JAML: variants seen among roughly 807,000 people sequenced by gnomAD.
The protein encoded by JAML is junction adhesion molecule like.
A neutral mutation model predicts 39.3 loss-of-function variants in JAML; 25 were observed. That is an observed-to-expected ratio of 0.64 (90% confidence interval 0.46 to 0.89). The LOEUF (loss-of-function observed/expected upper bound fraction) is 0.89, where lower values mean the gene tolerates loss of function less well. JAML is among the 40% of genes least tolerant of loss of function. The pLI is 0.00. For synonymous variants in JAML, 162 were observed against 179.2 expected (o/e 0.90, Z 0.77); for missense variants, 440 against 486.9 (o/e 0.90, Z 0.91).
At chr11:118,207,727 C>G (rs1399682276) in intron 4 of JAML, among the ~76,000 whole-genome samples, 1 of 152,126 alleles carries the variant, frequency 6.6e-6, no homozygotes, top group Non-Finnish European at 1.5e-5. Flanking sequence ...GGGGTTGGAT[C>G]TATTCCCATT....
intron 1 of JAML, among the ~76,000 whole-genome samples, chr11:118,215,184 C>T (rs1949123815): frequency 1.3e-5 from 2 of 151,964 alleles, no homozygotes; most frequent in Non-Finnish European, 2.9e-5. Flanking sequence ...TTAGATTGGC[C>T]ATAAGGGAAG....
intron 4 of JAML, among the ~76,000 whole-genome samples, chr11:118,207,246 C>G (rs1035510512): frequency 2.0e-5 from 3 of 152,216 alleles, no homozygotes; most frequent in Non-Finnish European, 4.4e-5. Context: ...CATTCTGAGT[C>G]CTTTCAATGC....
intron 1 of JAML, among the ~76,000 whole-genome samples, chr11:118,215,672 TC>T (rs111230773): frequency 0.091 from 13,705 of 151,076 alleles, 2,073 homozygotes; most frequent in African/African-American, 0.31. Flanking sequence ...ATCTTATTTT[TC>T]TTTTTAACTT....
rs1948907588 is a variant in JAML, at chr11:118,205,971, C to T, written c.445G>A (p.Gly149Arg). The change falls in exon 5 of 10, where the codon GGA becomes AGA. Residue 149 changes from glycine (G) to arginine (R), a missense_variant. Transcript: ENST00000356289. ...AAAACACATCCCATCTGAATCAATC[C>T]ACCCACATGGACCATGAGCTCTGAG... ...EPKELMVHVG[G>R]LIQMGCVFQS... 1.9e-6 allele frequency: 3 copies of T among 1,613,920 alleles called. No homozygotes were observed. The highest frequency in any genetic ancestry group is 1.7e-6 in the Non-Finnish European group (2 of 1,179,822).
chr11:118,214,166 G>C (rs1054280571), intron 2 of JAML, among the ~76,000 whole-genome samples: 1 of 152,312 alleles, frequency 6.6e-6, no homozygotes, highest in East Asian at 1.9e-4. Flanking sequence ...AGGCATGGGG[G>C]AAAAGGATGA....
At position 118,212,550 on chromosome 11, in the gene JAML, C is replaced by T. The variant is rs745683381; in HGVS notation, c.55G>A (p.Gly19Ser). The T allele has an allele frequency of 6.2e-7, 1 of 1,613,890 alleles. No individual in the cohort carries two copies. Among genetic ancestry groups the T allele is most frequent in the Non-Finnish European group, 8.5e-7 (1 of 1,179,996 alleles). The change falls in exon 3 of 10, where the codon GGC becomes AGC. Residue 19 changes from glycine (G) to serine (S), a missense_variant. Gly to Ser is a moderately conservative substitution (Grantham distance 56). Coordinates refer to ENST00000356289, the MANE Select transcript of JAML (RefSeq NM_001098526.2). ...LLPVLLDYSL[G>S]LNDLNVSPPE... The stretch of plus-strand genomic sequence containing the variant: ...GGGGAAACATTCAAGTCATTCAGGC[C>T]CAAGGAATAATCTATAGAAGTCAAA...
At chr11:118,198,900 C>T (rs911756956) in intron 7 of JAML, among the ~76,000 whole-genome samples, 7 of 152,192 alleles carry the variant, frequency 4.6e-5, no homozygotes, top group Admixed American at 4.6e-4. Context: ...CACAATTACC[C>T]ACATTTTACA....
chr11:118,208,723 CA>C (rs933493920), intron 4 of JAML, among the ~76,000 whole-genome samples: 2 of 152,206 alleles, frequency 1.3e-5, no homozygotes, highest in Admixed American at 6.5e-5. Context: ...CTGTGGCTTG[CA>C]AACTTTTACT....
chr11:118,203,349 C>T (rs1035379674), intron 6 of JAML, 79 bp downstream of exon 6: 3 of 1,335,888 alleles, frequency 2.2e-6, no homozygotes, highest in East Asian at 4.6e-5. Flanking sequence ...TCCTAGGAAC[C>T]TCTCCGGCCT....
intron 3 of JAML, among the ~76,000 whole-genome samples, chr11:118,211,635 G>C (rs1949061761): frequency 6.6e-6 from 1 of 152,170 alleles, no homozygotes; most frequent in Non-Finnish European, 1.5e-5. Flanking sequence ...AGCATTATAG[G>C]GACAACAGGG....
chr11:118,218,198 A>G (rs1949169104), intron 1 of JAML, among the ~76,000 whole-genome samples: 1 of 152,096 alleles, frequency 6.6e-6, no homozygotes, highest in African/African-American at 2.4e-5. Flanking sequence ...GGTTCAAGTG[A>G]TTCTCCTGCC....
At chr11:118,195,851 G>C (rs1398467147) in intron 9 of JAML, among the ~76,000 whole-genome samples, 2 of 152,134 alleles carry the variant, frequency 1.3e-5, no homozygotes, top group African/African-American at 4.8e-5. Context: ...GTTGTTTTGA[G>C]ACAGGAGTCT....
intron 6 of JAML, chr11:118,201,882 G>T (rs889767260): frequency 2.6e-5 from 4 of 152,248 alleles, no homozygotes; most frequent in African/African-American, 9.6e-5. Context: ...AACTGAGGTT[G>T]GGGAGATGGG....
At position 118,194,389 on chromosome 11, in the gene JAML, T is replaced by C; in HGVS notation, c.1121A>G (p.Asp374Gly). Residue 374 changes from aspartate to glycine, a missense_variant, in exon 10 of 10, where the codon GAT (aspartate) becomes GGT (glycine). By Grantham distance (94) the Asp-to-Gly change is moderately conservative. Coordinates refer to ENST00000356289, the MANE Select transcript of JAML (RefSeq NM_001098526.2). ...MHPVWPSLRS[D>G]RNNSLEKKSG... ...CTTTTTTTCAAGTGAGTTGTTCCGA[T>C]CTGACCTCAGAGAAGGCCAAACTGG... The C allele has an allele frequency of 6.2e-7, 1 of 1,614,116 alleles. No homozygotes were observed. The highest frequency in any genetic ancestry group is 8.5e-7 in the Non-Finnish European group (1 of 1,180,008).
At position 118,194,276 on chromosome 11, in the gene JAML, C is replaced by T. The variant is rs766982029; in HGVS notation, c.*49G>A. On this transcript the variant is annotated 3_prime_UTR_variant, in exon 10 of 10. Transcript: ENST00000356289. The stretch of plus-strand genomic sequence containing the variant: ...CTGGTAGAGTGGCCCAGGACACACA[C>T]AGGAGAGAGTCTCCACCGCTGCTGA... 3 of 1,515,242 alleles carry T rather than the reference C, an allele frequency of 2.0e-6. No homozygotes were observed. The highest frequency in any genetic ancestry group is 2.8e-6 in the Non-Finnish European group (3 of 1,090,520). 93.9% of individuals were successfully genotyped at this position (1,515,242 alleles called of 1,614,324 possible). A position where few individuals can be genotyped will look rare whatever the true frequency, so the allele number is the denominator to read the frequency against.
chr11:118,219,904 T>C (rs1949192068), intron 1 of JAML, among the ~76,000 whole-genome samples: 1 of 152,222 alleles, frequency 6.6e-6, no homozygotes, highest in Non-Finnish European at 1.5e-5. Flanking sequence ...AGAGTTTGCT[T>C]TCCTTTTCAG....
intron 5 of JAML, 72 bp from the exon 6 acceptor site, chr11:118,203,737 G>T: frequency 7.6e-7 from 1 of 1,317,658 alleles, no homozygotes; most frequent in Non-Finnish European, 1.1e-6. Context: ...AAATGGGGGA[G>T]GGAAGATCTC....
At chr11:118,212,701 G>A in intron 2 of JAML, 140 bp from the exon 3 acceptor site, 1 of 1,502,288 alleles carries the variant, frequency 6.7e-7, no homozygotes, top group South Asian at 1.3e-5. Context: ...CATGTTCAAA[G>A]GCAGCATGGC....
chr11:118,221,488 A>G (rs1949208958), intron 1 of JAML, among the ~76,000 whole-genome samples: 1 of 152,224 alleles, frequency 6.6e-6, no homozygotes, highest in Non-Finnish European at 1.5e-5. Flanking sequence ...TGAAACCTAG[A>G]TCCCTTGCAT....
Sources: gnomAD v4.1 joint callset for allele counts (sites outside exome capture counted in the v4.1 genomes callset) on GRCh38, gnomAD v4.1.1 for gene constraint, MANE v1.5 for transcripts, NCBI Gene and HGNC (gene_info 2026-07-23, HGNC 2026-07-21) for gene names.